Variants in RNGTT observed in about 807,000 individuals in gnomAD.
RNGTT encodes the protein mRNA-capping enzyme.
RNGTT carries 33 observed loss-of-function variants against 79.3 expected under a neutral mutation model. The ratio of observed to expected loss-of-function variants is 0.42; its 90% CI spans 0.32 to 0.56. The LOEUF (loss-of-function observed/expected upper bound fraction) is 0.56. Among genes scored for constraint, RNGTT ranks in the 20% least tolerant of loss-of-function variants. The pLI is 0.17. For synonymous variants in RNGTT, 222 were observed against 235.9 expected (o/e 0.94, Z 0.54); for missense variants, 497 against 739.1 (o/e 0.67, Z 3.80).
At chr6:88,686,074 T>G (rs971058961) in intron 13 of RNGTT, among the ~76,000 whole-genome samples, 3 of 150,002 alleles carry the variant, frequency 2.0e-5, no homozygotes, top group African/African-American at 7.4e-5. Context: ...ATCAATGAAT[T>G]TATAATAAGA....
At chr6:88,941,819 TATAACAGCAAAAGAAAAATTACCAGTGA>T (rs1784857711) in intron 1 of RNGTT, among the ~76,000 whole-genome samples, 2 of 152,114 alleles carry the variant, frequency 1.3e-5, no homozygotes, top group African/African-American at 4.8e-5. Flanking sequence ...GACAATCAAA[TATAACAGCAAAAGAAAAATTACCAGTGA>T]ATAGAACTTC....
chr6:88,963,317 G>A, intron 1 of RNGTT, 29 bp downstream of exon 1: 1 of 1,611,184 alleles, frequency 6.2e-7, no homozygotes, highest in Non-Finnish European at 8.5e-7. Flanking sequence ...TGGAGTGTGG[G>A]GATTCGAACG....
In RNGTT at chr6:88,918,226, G is replaced by C. The variant is rs1039552862; in HGVS notation, c.367+10759C>G. On this transcript the variant is annotated intron_variant, in intron 4 of 15. Coordinates refer to ENST00000369485, the MANE Select transcript of RNGTT (RefSeq NM_003800.5). ...TAGTACCAGCTACTCGGGAGGTTGAGGTGGGAAGATTGCTCGAGACCAGGA... is the reference window on the plus strand; with the variant it reads ...TAGTACCAGCTACTCGGGAGGTTGACGTGGGAAGATTGCTCGAGACCAGGA... Among the ~76,000 whole-genome samples the C allele has an allele frequency of 3.9e-5, 6 of 152,266 alleles. No individual in the cohort carries two copies. In the Middle Eastern group the frequency reaches 0.01, roughly 259 times the overall value.
At chr6:88,785,727 T>C (rs1220287181) in intron 12 of RNGTT, among the ~76,000 whole-genome samples, 2 of 152,164 alleles carry the variant, frequency 1.3e-5, no homozygotes, top group Non-Finnish European at 2.9e-5. Flanking sequence ...AGGAAAACCA[T>C]TCTAATTTGT....
intron 12 of RNGTT, among the ~76,000 whole-genome samples, chr6:88,798,815 C>G (rs1054238997): frequency 6.6e-6 from 1 of 152,166 alleles, no homozygotes; most frequent in East Asian, 1.9e-4. Context: ...TAAAGGATAT[C>G]TAACAGAAAT....
chr6:88,773,381 T>G (rs1778762175), intron 12 of RNGTT, among the ~76,000 whole-genome samples: 1 of 146,372 alleles, frequency 6.8e-6, no homozygotes, highest in Non-Finnish European at 1.5e-5. Flanking sequence ...GATGACGAGT[T>G]AGTGGGTGCA....
intron 10 of RNGTT, among the ~76,000 whole-genome samples, chr6:88,846,721 C>T (rs35018409): frequency 0.095 from 14,376 of 150,986 alleles, 880 homozygotes; most frequent in Middle Eastern, 0.2. Flanking sequence ...GATCATGCCA[C>T]TGCACTCCAG....
chr6:88,682,569 A>T (rs1775131044), intron 13 of RNGTT, among the ~76,000 whole-genome samples: 1 of 151,980 alleles, frequency 6.6e-6, no homozygotes, highest in African/African-American at 2.4e-5. Flanking sequence ...CATAAAGCAC[A>T]TTTTTTTTCC....
intron 14 of RNGTT, among the ~76,000 whole-genome samples, chr6:88,626,050 G>A (rs1772620009): frequency 6.6e-6 from 1 of 152,052 alleles, no homozygotes; most frequent in Non-Finnish European, 1.5e-5. Context: ...ACAACCCTAT[G>A]AAGTAGGTAT....
chr6:88,778,321 T>C (rs1395904966), intron 12 of RNGTT, among the ~76,000 whole-genome samples: 1 of 152,026 alleles, frequency 6.6e-6, no homozygotes, highest in Non-Finnish European at 1.5e-5. Flanking sequence ...TAGAGAAATA[T>C]AGGATGTGCT....
At chr6:88,685,543 G>A (rs1282644028) in intron 13 of RNGTT, among the ~76,000 whole-genome samples, 1 of 151,554 alleles carries the variant, frequency 6.6e-6, no homozygotes, top group East Asian at 1.9e-4. Flanking sequence ...GAGAAGGGGG[G>A]AGGATGAGGA....
intron 11 of RNGTT, among the ~76,000 whole-genome samples, chr6:88,807,901 T>C (rs898976979): frequency 3.9e-5 from 6 of 152,336 alleles, no homozygotes; most frequent in East Asian, 3.9e-4. Context: ...AAACCTCACC[T>C]TTAACATACT....
intron 1 of RNGTT, among the ~76,000 whole-genome samples, chr6:88,959,358 T>C (rs1276599440): frequency 6.6e-6 from 1 of 152,154 alleles, no homozygotes; most frequent in Non-Finnish European, 1.5e-5. Context: ...TGAAATAACA[T>C]AAAAATGTTT....
At position 88,671,957 on chromosome 6, in the gene RNGTT, C is replaced by A. The variant is rs532680794; in HGVS notation, c.1506+6396G>T. Among the ~76,000 whole-genome samples the A allele has an allele frequency of 2.6e-5, 4 of 152,106 alleles. No homozygotes were observed. The East Asian group carries it at 7.7e-4, about 29-fold the overall frequency. On this transcript the variant is annotated intron_variant, in intron 14 of 15. Coordinates refer to ENST00000369485, the MANE Select transcript of RNGTT (RefSeq NM_003800.5). ...CTCTTCTCTCACCTTATAAAAAAAT[C>A]AACTCAAGACAGATTAAAGACTTAA...
chr6:88,917,833 G>T (rs1209629557), intron 4 of RNGTT, among the ~76,000 whole-genome samples: 1 of 152,170 alleles, frequency 6.6e-6, no homozygotes, highest in Non-Finnish European at 1.5e-5. Flanking sequence ...ATTGCAGTGA[G>T]CTGAGATCAT....
chr6:88,809,476 G>A (rs1461269000), intron 11 of RNGTT, among the ~76,000 whole-genome samples: 1 of 151,700 alleles, frequency 6.6e-6, no homozygotes, highest in East Asian at 1.9e-4. Context: ...ACCCAAACCA[G>A]GAAAAAATGC....
intron 14 of RNGTT, among the ~76,000 whole-genome samples, chr6:88,621,565 G>T (rs1274702599): frequency 2.6e-5 from 4 of 151,590 alleles, no homozygotes; most frequent in African/African-American, 7.3e-5. Context: ...TTTGACACAA[G>T]AATGAATATC....
intron 8 of RNGTT, among the ~76,000 whole-genome samples, chr6:88,883,509 G>T (rs9362581): frequency 0.06 from 9,097 of 152,142 alleles, 485 homozygotes; most frequent in African/African-American, 0.14. Flanking sequence ...AAGTGGATCA[G>T]CATGACTCAG....
chr6:88,906,740 G>T (rs1411593647), intron 4 of RNGTT, among the ~76,000 whole-genome samples: 1 of 151,928 alleles, frequency 6.6e-6, no homozygotes, highest in East Asian at 1.9e-4. Flanking sequence ...AAATAAGGAG[G>T]TATTTTCATC....
Sources: allele counts gnomAD v4.1 joint callset (sites outside exome capture counted in the v4.1 genomes callset), GRCh38; gene constraint gnomAD v4.1.1; transcripts MANE v1.5; gene names NCBI Gene and HGNC (gene_info 2026-07-23, HGNC 2026-07-21).